INPP5A: variants seen among roughly 807,000 people sequenced by gnomAD.
INPP5A encodes the protein 43 kDa inositol polyphosphate 5-phophatase.
Under a neutral mutation model 65.2 loss-of-function variants are expected in INPP5A, and 14 were observed. The ratio of observed to expected loss-of-function variants is 0.21; its 90% CI spans 0.14 to 0.34. INPP5A has a LOEUF of 0.34. Ranked by LOEUF, INPP5A falls within the 10% of genes least tolerant of loss-of-function variation. INPP5A has a pLI of 1.00. For missense variants in INPP5A, 431 were observed against 545.6 expected, an observed-to-expected ratio of 0.79 and a Z score of 2.09; for synonymous variants, 207 against 208.3, an observed-to-expected ratio of 0.99 and a Z score of 0.05.
At chr10:132,611,972 G>A (rs1225076583) in intron 2 of INPP5A, among the ~76,000 whole-genome samples, 1 of 135,572 alleles carries the variant, frequency 7.4e-6, no homozygotes, top group South Asian at 2.5e-4. Flanking sequence ...GAGGAGGGCA[G>A]GGGAGAGGCC....
At chr10:132,728,294 C>A (rs930130017) in intron 9 of INPP5A, among the ~76,000 whole-genome samples, 1 of 152,250 alleles carries the variant, frequency 6.6e-6, no homozygotes, top group Non-Finnish European at 1.5e-5. Context: ...CTTTCCATCC[C>A]GCTGCTGTGC....
rs1173430701 is a variant in INPP5A at position 132,675,268 on chromosome 10, T to A, written c.307-15124T>A. 6.6e-6 allele frequency among the ~76,000 whole-genome samples: 1 copy of A among 152,220 alleles called. No individual in the cohort carries two copies. The highest frequency in any genetic ancestry group is 2.4e-5 in the African/African-American group (1 of 41,450). ...GGACGGTGCAGCCGCATCTTCCGTG[T>A]CCTTGGAGGAAATGTCAGCATAGGG... is the stretch of plus-strand genomic sequence containing the variant. On this transcript the variant is annotated intron_variant, in intron 4 of 15. Coordinates refer to ENST00000368594, the MANE Select transcript of INPP5A (RefSeq NM_005539.5). The surrounding 1 kb of genome is among the most constrained non-coding windows in gnomAD (Gnocchi z 4.2).
At chr10:132,673,965 G>A (rs2133442477) in intron 4 of INPP5A, among the ~76,000 whole-genome samples, 1 of 152,314 alleles carries the variant, frequency 6.6e-6, no homozygotes, top group Non-Finnish European at 1.5e-5. Context: ...ATGTTGCCGA[G>A]CCCATGGGTA....
rs1023414516 is a variant in INPP5A at position 132,676,672 on chromosome 10, G to C, written c.307-13720G>C. Among the ~76,000 whole-genome samples, 7 of 152,176 alleles carry C rather than the reference G, an allele frequency of 4.6e-5. No homozygotes were observed. The highest frequency in any genetic ancestry group is 1.7e-4 in the African/African-American group (7 of 41,450). ...GATGAGATGGCAGCCCTGGGCACCT[G>C]TGGCTGCTCCCTCCTCCTGACTCTG... On this transcript the variant is annotated intron_variant, in intron 4 of 15. Coordinates refer to ENST00000368594, the MANE Select transcript of INPP5A (RefSeq NM_005539.5). This position sits in a 1 kb window ranked among gnomAD's most constrained non-coding sequence, Gnocchi z 4.0.
intron 9 of INPP5A, among the ~76,000 whole-genome samples, chr10:132,736,141 G>A (rs1846171868): frequency 6.6e-6 from 1 of 152,270 alleles, no homozygotes; most frequent in Non-Finnish European, 1.5e-5. Flanking sequence ...TGCCATCTGA[G>A]AGGGCCGTGC....
chr10:132,551,623 G>A lies in INPP5A; in HGVS notation c.75+13452G>A, dbSNP rs2071050726. ...ACCGTTACGGTTTTTCAGAGCTGTTGCAACTTCCTGTTTGCTGTAACGGCT... is the reference window on the plus strand; with the variant it reads ...ACCGTTACGGTTTTTCAGAGCTGTTACAACTTCCTGTTTGCTGTAACGGCT... On this transcript the variant is annotated intron_variant, in intron 1 of 15. Transcript: ENST00000368594. The surrounding 1 kb of genome is among the most constrained non-coding windows in gnomAD (Gnocchi z 5.3). Among the ~76,000 whole-genome samples, 1 of 152,224 alleles carries A rather than the reference G, an allele frequency of 6.6e-6. No individual in the cohort carries two copies. Among genetic ancestry groups the A allele is most frequent in the Non-Finnish European group, 1.5e-5 (1 of 68,044 alleles).
At chr10:132,770,445 T>C (rs2767429) in intron 12 of INPP5A, among the ~76,000 whole-genome samples, 139,271 of 152,320 alleles carry the variant, frequency 0.91, 63,826 homozygotes, top group East Asian at 1. Context: ...AGGATGGGAA[T>C]TGTCACGTCC....
chr10:132,602,563 G>A (rs1278796865), intron 1 of INPP5A, among the ~76,000 whole-genome samples: 3 of 152,182 alleles, frequency 2.0e-5, no homozygotes, highest in African/African-American at 4.8e-5. Context: ...CCAAAGTGCT[G>A]GGATTGCAGG....
intron 2 of INPP5A, among the ~76,000 whole-genome samples, chr10:132,641,649 G>C (rs2072428734): frequency 6.6e-6 from 1 of 152,228 alleles, no homozygotes; most frequent in African/African-American, 2.4e-5. Context: ...TGTAAACTGT[G>C]CGTGGAGGTA....
chr10:132,653,276 C>T (rs1446352229), intron 4 of INPP5A, among the ~76,000 whole-genome samples: 2 of 152,096 alleles, frequency 1.3e-5, no homozygotes, highest in African/African-American at 2.4e-5. Flanking sequence ...CCGAGGGCCG[C>T]GGCTGCCTCC....
At chr10:132,689,320 G>A (rs994972750) in intron 4 of INPP5A, among the ~76,000 whole-genome samples, 1 of 152,248 alleles carries the variant, frequency 6.6e-6, no homozygotes, top group Admixed American at 6.5e-5. Flanking sequence ...CCTGCCCTCC[G>A]TCTGCAGCTG....
chr10:132,689,665 C>G (rs1306214627), intron 4 of INPP5A, among the ~76,000 whole-genome samples: 1 of 152,242 alleles, frequency 6.6e-6, no homozygotes, highest in East Asian at 1.9e-4. Context: ...GAACACACTG[C>G]TGCATGTAGA....
chr10:132,683,680 T>A (rs1285919789), intron 4 of INPP5A, among the ~76,000 whole-genome samples: 1 of 152,248 alleles, frequency 6.6e-6, no homozygotes, highest in Admixed American at 6.5e-5. Flanking sequence ...GTAGTCTTTA[T>A]GTGCAACAGA....
chr10:132,557,021 G>C (rs1022257323), intron 1 of INPP5A, among the ~76,000 whole-genome samples: 1 of 152,216 alleles, frequency 6.6e-6, no homozygotes, highest in Admixed American at 6.5e-5. Context: ...TTCTTCCTGA[G>C]TCTCATTGTA....
At chr10:132,682,055 G>A (rs1384495649) in intron 4 of INPP5A, among the ~76,000 whole-genome samples, 1 of 152,168 alleles carries the variant, frequency 6.6e-6, no homozygotes, top group Admixed American at 6.5e-5. Flanking sequence ...AGGGAAGAGC[G>A]GGAAGGGGAG....
intron 1 of INPP5A, among the ~76,000 whole-genome samples, chr10:132,571,444 CAG>C (rs1288609142): frequency 6.6e-6 from 1 of 152,232 alleles, no homozygotes; most frequent in Non-Finnish European, 1.5e-5. Context: ...TGGGTGAACA[CAG>C]AGGCCCAGCT....
Position 132,697,922 on chromosome 10 carries a change from A to G in INPP5A, c.474+3A>G, listed in dbSNP as rs776825195. On this transcript the variant is annotated splice_donor_region_variant and intron_variant, in intron 6 of 15. Coordinates refer to ENST00000368594, the MANE Select transcript of INPP5A (RefSeq NM_005539.5). The surrounding 1 kb of genome is among the most constrained non-coding windows in gnomAD (Gnocchi z 5.6). Reference sequence around the variant, plus strand: ...TTCCGCAGGACTACTTCCCCGAGGTACGTAGCGAGGCTTTCTCACTGACGT... The same window carrying G: ...TTCCGCAGGACTACTTCCCCGAGGTGCGTAGCGAGGCTTTCTCACTGACGT... The G allele has an allele frequency of 5.8e-5, 93 of 1,593,162 alleles. No individual in the cohort carries two copies. Among genetic ancestry groups the G allele is most frequent in the African/African-American group, 9.4e-5 (7 of 74,458 alleles).
chr10:132,744,818 G>A (rs1358542998), intron 9 of INPP5A, among the ~76,000 whole-genome samples: 1 of 152,200 alleles, frequency 6.6e-6, no homozygotes, highest in Non-Finnish European at 1.5e-5. Flanking sequence ...GAGGCGACCT[G>A]CAGGGCTGAC....
chr10:132,709,188 C>A (rs1003319755), intron 7 of INPP5A, among the ~76,000 whole-genome samples: 3 of 149,926 alleles, frequency 2.0e-5, no homozygotes, highest in African/African-American at 7.4e-5. Flanking sequence ...TGCCCCTCCC[C>A]CTCGGGCCTC....
Sources: allele counts gnomAD v4.1 joint callset (sites outside exome capture counted in the v4.1 genomes callset), GRCh38; gene constraint gnomAD v4.1.1; non-coding constraint Gnocchi (gnomAD v3.1); transcripts MANE v1.5; gene names NCBI Gene and HGNC (gene_info 2026-07-23, HGNC 2026-07-21).